Variants in FRRS1 observed in about 807,000 individuals in gnomAD.
FRRS1 encodes ferric reductase 1.
A neutral mutation model predicts 70.7 loss-of-function variants in FRRS1; 51 were observed. The ratio of observed to expected loss-of-function variants is 0.72; its 90% CI spans 0.58 to 0.91. The LOEUF is 0.91. Ranked by LOEUF, FRRS1 falls within the 40% of genes least tolerant of loss-of-function variation. The pLI is 0.00. For synonymous variants in FRRS1, 225 were observed against 238.7 expected (o/e 0.94, Z 0.53); for missense variants, 672 against 726.0 (o/e 0.93, Z 0.86).
chr1:99,729,976 AGATT>A (rs1381011383), intron 7 of FRRS1, among the ~76,000 whole-genome samples: 1 of 152,226 alleles, frequency 6.6e-6, no homozygotes, highest in Non-Finnish European at 1.5e-5. Flanking sequence ...GTAAAATAAT[AGATT>A]AAGATAGATA....
In FRRS1 at chr1:99,719,700, T is replaced by TA; in HGVS notation, c.1007-54dup. On this transcript the variant is annotated intron_variant, in intron 9 of 16. Coordinates refer to ENST00000646001, the MANE Select transcript of FRRS1 (RefSeq NM_001361041.2). ...GACAAAGAATAATTACTTCCTCAAA[T>TA]AAAAAAGGAATTGAGATACGGGCAG... 3 of 994,648 alleles carry TA rather than the reference T, an allele frequency of 3.0e-6. No homozygotes were observed. In the South Asian group the frequency reaches 4.0e-5, roughly 13 times the overall value. 61.6% of individuals were successfully genotyped at this position (994,648 alleles called of 1,614,324 possible). A position where few individuals can be genotyped will look rare whatever the true frequency, so the allele number is the denominator to read the frequency against.
intron 1 of FRRS1, among the ~76,000 whole-genome samples, chr1:99,759,897 A>T (rs116481817): frequency 2.0e-5 from 3 of 152,354 alleles, no homozygotes; most frequent in Non-Finnish European, 4.4e-5. Context: ...ATCTAACTGC[A>T]ATAGCCATGT....
intron 11 of FRRS1, among the ~76,000 whole-genome samples, chr1:99,716,241 C>A (rs1052274633): frequency 6.6e-6 from 1 of 151,948 alleles, no homozygotes; most frequent in African/African-American, 2.4e-5. Context: ...TAGGAAGCAC[C>A]CTGTGTATGT....
At chr1:99,712,198 G>A (rs374512701) in intron 13 of FRRS1, 35 bp from the exon 14 acceptor site, 116 of 1,401,056 alleles carry the variant, frequency 8.3e-5, no homozygotes, top group Non-Finnish European at 1.1e-4. Context: ...ATTCTTAAAA[G>A]CAATGGAACT....
chr1:99,710,818 G>C lies in FRRS1; in HGVS notation c.1612C>G (p.Leu538Val), dbSNP rs1368381254. 1.2e-5 allele frequency: 19 copies of C among 1,613,680 alleles called. No homozygotes were observed. Among genetic ancestry groups the C allele is most frequent in the Non-Finnish European group, 1.6e-5 (19 of 1,179,820 alleles). The change falls in exon 15 of 17, where the codon CTC (leucine) becomes GTC (valine). Residue 538 changes from leucine (L) to valine (V), a missense_variant. Coordinates refer to ENST00000646001, the MANE Select transcript of FRRS1 (RefSeq NM_001361041.2). ...EVVLEVHAYR[L>V]SRKVEILDDD... is the part of the protein sequence containing the mutation. ...TTTACCAGGTTACCTTTGCGAGAGAGCCGATAAGCATGTACCTCCAGAACA... is the reference window on the plus strand; with the variant it reads ...TTTACCAGGTTACCTTTGCGAGAGACCCGATAAGCATGTACCTCCAGAACA...
chr1:99,731,339 G>A (rs2100943683), intron 7 of FRRS1, among the ~76,000 whole-genome samples: 1 of 152,190 alleles, frequency 6.6e-6, no homozygotes, highest in East Asian at 1.9e-4. Context: ...TCCAATATTA[G>A]ATTCTAACAT....
chr1:99,759,865 T>C (rs1172856239), intron 1 of FRRS1, among the ~76,000 whole-genome samples: 1 of 152,206 alleles, frequency 6.6e-6, no homozygotes, highest in Non-Finnish European at 1.5e-5. Flanking sequence ...AAATCACACA[T>C]ACTTTTAGGA....
chr1:99,716,861 C>A (rs1654556516), intron 11 of FRRS1, among the ~76,000 whole-genome samples: 1 of 152,126 alleles, frequency 6.6e-6, no homozygotes, highest in South Asian at 2.1e-4. Context: ...AGTAGACTAC[C>A]TCCCCATCTC....
intron 1 of FRRS1, among the ~76,000 whole-genome samples, chr1:99,759,529 T>C (rs1471346482): frequency 6.6e-6 from 1 of 152,174 alleles, no homozygotes; most frequent in Non-Finnish European, 1.5e-5. Flanking sequence ...GAAATAGGTG[T>C]TCACCTGCTG....
At chr1:99,734,202 T>C (rs999139598) in intron 7 of FRRS1, among the ~76,000 whole-genome samples, 13 of 152,166 alleles carry the variant, frequency 8.5e-5, no homozygotes, top group Non-Finnish European at 5.9e-5. Context: ...GAATAAGAAA[T>C]ATTTTTATAA....
chr1:99,722,554 T>C (rs183779301), intron 9 of FRRS1, among the ~76,000 whole-genome samples: 1 of 152,340 alleles, frequency 6.6e-6, no homozygotes, highest in Non-Finnish European at 1.5e-5. Context: ...ATTCCAGGAA[T>C]GTGAGGATCA....
In FRRS1 at chr1:99,708,892, A is replaced by G; in HGVS notation, c.*136T>C. 1 of 1,603,528 alleles carries G rather than the reference A, an allele frequency of 6.2e-7. No individual in the cohort carries two copies. The highest frequency in any genetic ancestry group is 8.5e-7 in the Non-Finnish European group (1 of 1,170,770). On this transcript the variant is annotated 3_prime_UTR_variant, in exon 17 of 17. Transcript: ENST00000646001. ...TGTTCTCTAAAGGCTGGACTTCAGAATTCCTCTACAGACATGACCCCAGTC... is the reference window on the plus strand; with the variant it reads ...TGTTCTCTAAAGGCTGGACTTCAGAGTTCCTCTACAGACATGACCCCAGTC...
At chr1:99,750,063 C>T (rs949484320) in intron 1 of FRRS1, among the ~76,000 whole-genome samples, 3 of 152,178 alleles carry the variant, frequency 2.0e-5, no homozygotes, top group South Asian at 2.1e-4. Flanking sequence ...AACTATTTAA[C>T]CGCAGCCTAA....
chr1:99,730,239 G>C (rs1254127135), intron 7 of FRRS1, among the ~76,000 whole-genome samples: 1 of 151,876 alleles, frequency 6.6e-6, no homozygotes, highest in South Asian at 2.1e-4. Flanking sequence ...GATATTTTTT[G>C]GTAACTTCTA....
chr1:99,723,108 A>T (rs1654914041), intron 9 of FRRS1, among the ~76,000 whole-genome samples: 1 of 152,146 alleles, frequency 6.6e-6, no homozygotes, highest in Admixed American at 6.5e-5. Flanking sequence ...CTATATGAAG[A>T]TATGTAGAAA....
At chr1:99,715,285 C>T (rs1412704410) in intron 12 of FRRS1, among the ~76,000 whole-genome samples, 1 of 152,134 alleles carries the variant, frequency 6.6e-6, no homozygotes, top group Non-Finnish European at 1.5e-5. Context: ...TGTTCATGTT[C>T]CTTAGATATC....
chr1:99,761,926 G>A (rs1657128304), intron 1 of FRRS1, among the ~76,000 whole-genome samples: 1 of 152,176 alleles, frequency 6.6e-6, no homozygotes, highest in Non-Finnish European at 1.5e-5. Flanking sequence ...ATCATGTCAA[G>A]GACTTAGTAT....
At chr1:99,724,962 T>C (rs753452856) in intron 9 of FRRS1, among the ~76,000 whole-genome samples, 9 of 152,142 alleles carry the variant, frequency 5.9e-5, no homozygotes, top group Non-Finnish European at 1.2e-4. Context: ...TAATATCTTA[T>C]GTACTCCAGC....
Position 99,735,242 on chromosome 1 carries a change from G to A in FRRS1, c.759+2844C>T, listed in dbSNP as rs149523716. Among the ~76,000 whole-genome samples the A allele has an allele frequency of 4.6e-5, 7 of 152,276 alleles. No individual in the cohort carries two copies. In the East Asian group the frequency reaches 5.8e-4, roughly 13 times the overall value. On this transcript the variant is annotated intron_variant, in intron 7 of 16. Coordinates refer to ENST00000646001, the MANE Select transcript of FRRS1 (RefSeq NM_001361041.2). ...TCAGAGGCTCCAAGAACCTATTGAC[G>A]ACATGAAGTGAGGACTTATTGTACT...
Sources: gnomAD v4.1 joint callset for allele counts (sites outside exome capture counted in the v4.1 genomes callset) on GRCh38, gnomAD v4.1.1 for gene constraint, MANE v1.5 for transcripts, NCBI Gene and HGNC (gene_info 2026-07-23, HGNC 2026-07-21) for gene names.